LOXL1: variants seen among roughly 807,000 people sequenced by gnomAD.
The protein encoded by LOXL1 is lysyl oxidase homolog 1.
In LOXL1, 31 loss-of-function variants were observed where a neutral mutation model predicts 62.2. That is an observed-to-expected ratio of 0.50 (90% confidence interval 0.37 to 0.67). The LOEUF (loss-of-function observed/expected upper bound fraction) is 0.67. Among genes scored for constraint, LOXL1 ranks in the 30% least tolerant of loss-of-function variants. The probability of loss-of-function intolerance (pLI) is 0.00; values close to 1 mark genes in which losing one functional copy is unlikely to be tolerated. For missense variants in LOXL1, 775 were observed against 843.4 expected (o/e 0.92, Z 1.00); for synonymous variants, 403 against 384.4 (o/e 1.05, Z -0.56).
chr15:73,943,069 C>T (rs756858633), intron 2 of LOXL1, 107 bp downstream of exon 2: 9 of 853,372 alleles, frequency 1.1e-5, no homozygotes, highest in Non-Finnish European at 1.8e-5. Flanking sequence ...GCTGATGACC[C>T]TGGCCAAGTG....
chr15:73,949,638 C>T (rs2141638890), intron 6 of LOXL1, 64 bp downstream of exon 6: 2 of 1,076,400 alleles, frequency 1.9e-6, no homozygotes, highest in East Asian at 2.4e-5. Flanking sequence ...CAGGCAAGGC[C>T]ACCTGAGATA....
At chr15:73,940,958 C>T (rs961327419) in intron 1 of LOXL1, among the ~76,000 whole-genome samples, 9 of 152,180 alleles carry the variant, frequency 5.9e-5, no homozygotes, top group Non-Finnish European at 1.3e-4. Flanking sequence ...TGAAACTGGG[C>T]CTGGGGTGGG....
At chr15:73,937,406 G>C (rs1328973313) in intron 1 of LOXL1, among the ~76,000 whole-genome samples, 2 of 152,232 alleles carry the variant, frequency 1.3e-5, no homozygotes, top group Non-Finnish European at 2.9e-5. Context: ...TCAGTGGCTG[G>C]CTGTCTCCCT....
At chr15:73,936,382 C>G (rs1186101991) in intron 1 of LOXL1, among the ~76,000 whole-genome samples, 1 of 152,186 alleles carries the variant, frequency 6.6e-6, no homozygotes, top group Non-Finnish European at 1.5e-5. Flanking sequence ...GCAGCCAGCT[C>G]CCGCCGTGGA....
chr15:73,929,702 A>G (rs8034017), intron 1 of LOXL1, among the ~76,000 whole-genome samples: 28,785 of 152,266 alleles, frequency 0.19, 2,954 homozygotes, highest in African/African-American at 0.27. Flanking sequence ...ATAGCCATGC[A>G]TCAGCTGCTC....
chr15:73,943,184 G>A (rs1234786269), intron 2 of LOXL1, among the ~76,000 whole-genome samples: 1 of 152,188 alleles, frequency 6.6e-6, no homozygotes, highest in Non-Finnish European at 1.5e-5. Flanking sequence ...TCTGTATACT[G>A]TACCTCACTA....
intron 1 of LOXL1, chr15:73,928,239 C>G (rs2068606758): frequency 8.1e-6 from 2 of 248,212 alleles, no homozygotes; most frequent in Non-Finnish European, 1.5e-5. Context: ...TCCACCTTCT[C>G]CCTCATTTCA....
rs141057976 is a variant in LOXL1 at position 73,947,137 on chromosome 15, G to A, written c.1420G>A (p.Glu474Lys). 86 of 1,613,770 alleles carry A rather than the reference G, an allele frequency of 5.3e-5. No homozygotes were observed. Among genetic ancestry groups the A allele is most frequent in the Non-Finnish European group, 6.7e-5 (79 of 1,179,684 alleles). ...TGCAGCCACAGGCAAGAAGGTGGCC[G>A]AGGGCCACAAGGCCAGTTTCTGCCT... ...LDAATGKKVAEGHKASFCLED... is the reference protein window; with the variant it reads ...LDAATGKKVAKGHKASFCLED... Residue 474 changes from glutamate to lysine, a missense_variant, in exon 4 of 7, where the codon GAG becomes AAG. Physicochemically the swap from Glu to Lys is moderately conservative, Grantham distance 56. Coordinates refer to ENST00000261921, the MANE Select transcript of LOXL1 (RefSeq NM_005576.4).
intron 5 of LOXL1, 48 bp downstream of exon 5, chr15:73,947,950 C>A: frequency 7.2e-7 from 1 of 1,386,372 alleles, no homozygotes; most frequent in Non-Finnish European, 1.0e-6. Flanking sequence ...TGTTCATGTC[C>A]AATGTCCCCC....
rs772198919 is a variant in LOXL1 at position 73,927,120 on chromosome 15, G to A, written c.337G>A (p.Gly113Ser). ...GCGCGTGGGCTCGGACACCGTGCGCGGCCAGGCGCGGCACCCATTCGGCTT... is the reference window on the plus strand; with the variant it reads ...GCGCGTGGGCTCGGACACCGTGCGCAGCCAGGCGCGGCACCCATTCGGCTT... ...PGRVGSDTVR[G>S]QARHPFGFGQ... Residue 113 changes from glycine to serine, a missense_variant, in exon 1 of 7, where the codon GGC (glycine) becomes AGC (serine). Physicochemically the swap from Gly to Ser is moderately conservative, Grantham distance 56. Coordinates refer to ENST00000261921, the MANE Select transcript of LOXL1 (RefSeq NM_005576.4). 1 of 1,364,908 alleles carries A rather than the reference G, an allele frequency of 7.3e-7. No homozygotes were observed. Among genetic ancestry groups the A allele is most frequent in the Non-Finnish European group, 9.5e-7 (1 of 1,053,180 alleles). The allele number at this position is 1,364,908 out of a possible 1,614,324, so 84.5% of individuals were successfully genotyped here.
rs758139196 is a variant in LOXL1, at chr15:73,947,197, C to T, written c.1480C>T (p.Arg494Cys). The T allele has an allele frequency of 9.3e-6, 15 of 1,611,560 alleles. 1 individual carries two copies. The highest frequency in any genetic ancestry group is 5.5e-5 in the South Asian group (5 of 90,906). ...CACCTGTGACTTCGGCAACCTCAAG[C>T]GCTATGCATGCACCTCTCATACCCA... is the stretch of plus-strand genomic sequence containing the variant. ...DSTCDFGNLKRYACTSHTQGL... is the reference protein window; with the variant it reads ...DSTCDFGNLKCYACTSHTQGL... The change falls in exon 4 of 7, where the codon CGC becomes TGC. Residue 494 changes from arginine to cysteine, a missense_variant. Coordinates refer to ENST00000261921, the MANE Select transcript of LOXL1 (RefSeq NM_005576.4).
chr15:73,927,858 G>T lies in LOXL1; in HGVS notation c.1075G>T (p.Val359Leu). Residue 359 changes from valine to leucine, a missense_variant, in exon 1 of 7, where the codon GTG becomes TTG. Coordinates refer to ENST00000261921, the MANE Select transcript of LOXL1 (RefSeq NM_005576.4). ...GCAGGGCCGCCTCAGCGTGGGCAGCGTGTACCGGCCCAACCAGAACGGCCG... is the reference window on the plus strand; with the variant it reads ...GCAGGGCCGCCTCAGCGTGGGCAGCTTGTACCGGCCCAACCAGAACGGCCG... ...AQQGRLSVGS[V>L]YRPNQNGRGL... 1 of 1,334,908 alleles carries T rather than the reference G, an allele frequency of 7.5e-7. No individual in the cohort carries two copies. Among genetic ancestry groups the T allele is most frequent in the Non-Finnish European group, 9.5e-7 (1 of 1,051,014 alleles). 82.7% of individuals were successfully genotyped at this position (1,334,908 alleles called of 1,614,324 possible). A position where few individuals can be genotyped will look rare whatever the true frequency, so the allele number is the denominator to read the frequency against.
rs1386065711 is a variant in LOXL1 at position 73,946,399 on chromosome 15, C to A, written c.1212-18C>A. 7 of 1,540,790 alleles carry A rather than the reference C, an allele frequency of 4.5e-6. No homozygotes were observed. The highest frequency in any genetic ancestry group is 6.2e-6 in the Non-Finnish European group (7 of 1,121,268). Reference sequence around the variant, plus strand: ...ACTGTGCCCCAACCCCCCCTCATCTCCCCCGCCGTCCCTGCAGCACAGCCT... The same window carrying A: ...ACTGTGCCCCAACCCCCCCTCATCTACCCCGCCGTCCCTGCAGCACAGCCT... On this transcript the variant is annotated intron_variant, in intron 2 of 6. Coordinates refer to ENST00000261921, the MANE Select transcript of LOXL1 (RefSeq NM_005576.4).
intron 1 of LOXL1, among the ~76,000 whole-genome samples, chr15:73,934,279 G>T (rs190203208): frequency 6.6e-6 from 1 of 152,236 alleles, no homozygotes; most frequent in Admixed American, 6.5e-5. Flanking sequence ...GTTTTATGGA[G>T]TATGGGCATT....
intron 5 of LOXL1, among the ~76,000 whole-genome samples, chr15:73,949,195 G>A (rs2068767536): frequency 6.6e-6 from 1 of 152,140 alleles, no homozygotes; most frequent in African/African-American, 2.4e-5. Context: ...GACCCCAAAT[G>A]CCCCATGCGG....
chr15:73,926,636 C>A lies in LOXL1; in HGVS notation c.-148C>A. ...GAAATGCTGTCATCGGAGGAGCCGTCCCGCTCGGGACAAGGCCAGCATGGA... is the reference window on the plus strand; with the variant it reads ...GAAATGCTGTCATCGGAGGAGCCGTACCGCTCGGGACAAGGCCAGCATGGA... On this transcript the variant is annotated 5_prime_UTR_variant, in exon 1 of 7. Transcript: ENST00000261921. 2 of 947,376 alleles carry A rather than the reference C, an allele frequency of 2.1e-6. No individual in the cohort carries two copies. Among genetic ancestry groups the A allele is most frequent in the Non-Finnish European group, 2.9e-6 (2 of 700,178 alleles). 58.7% of individuals were successfully genotyped at this position (947,376 alleles called of 1,614,324 possible).
chr15:73,946,247 G>T lies in LOXL1; in HGVS notation c.1212-170G>T, dbSNP rs1057142741. 6.7e-6 allele frequency: 4 copies of T among 599,066 alleles called. No individual in the cohort carries two copies. The East Asian group carries it at 1.1e-4, about 17-fold the overall frequency. The allele number at this position is 599,066 out of a possible 1,614,324, so 37.1% of individuals were successfully genotyped here. On this transcript the variant is annotated intron_variant, in intron 2 of 6. Transcript: ENST00000261921. ...ACGGGGTCAGAAGACAGAGGAAGAGGCCTGAGCCTCCGCCACAGTTCGAGG... is the reference window on the plus strand; with the variant it reads ...ACGGGGTCAGAAGACAGAGGAAGAGTCCTGAGCCTCCGCCACAGTTCGAGG...
At position 73,927,543 on chromosome 15, in the gene LOXL1, GC is replaced by G; in HGVS notation, c.765del (p.Glu256ArgfsTer171). ...PEYPPQGFYP[A>X]PERPYVPPPP... ...GTACCCGCCTCAGGGCTTCTACCCGGCCCCCGAGAGGCCCTACGTGCCGCCG... is the reference window on the plus strand; with the variant it reads ...GTACCCGCCTCAGGGCTTCTACCCGGCCCCGAGAGGCCCTACGTGCCGCCG... On this transcript the variant is annotated frameshift_variant, in exon 1 of 7. Coordinates refer to ENST00000261921, the MANE Select transcript of LOXL1 (RefSeq NM_005576.4). LOFTEE classifies it high-confidence loss of function. 1.5e-6 allele frequency: 2 copies of G among 1,292,988 alleles called. No individual in the cohort carries two copies. The highest frequency in any genetic ancestry group is 2.0e-6 in the Non-Finnish European group (2 of 998,854). 80.1% of individuals were successfully genotyped at this position (1,292,988 alleles called of 1,614,324 possible). A position where few individuals can be genotyped will look rare whatever the true frequency, so the allele number is the denominator to read the frequency against.
In LOXL1 at chr15:73,938,008, C is replaced by T. The variant is rs117369014; in HGVS notation, c.1103-4846C>T. Reference sequence around the variant, plus strand: ...TGGAGGTCTAAAACAGGAGGCTGGCCGGGTGCGGTCACTCACCCCTGTAAT... The same window carrying T: ...TGGAGGTCTAAAACAGGAGGCTGGCTGGGTGCGGTCACTCACCCCTGTAAT... On this transcript the variant is annotated intron_variant, in intron 1 of 6. Transcript: ENST00000261921. Among the ~76,000 whole-genome samples the T allele has an allele frequency of 1.5e-3, 227 of 152,248 alleles. 1 individual carries two copies. The East Asian group carries it at 0.022, about 15-fold the overall frequency.
Sources: allele counts gnomAD v4.1 joint callset (sites outside exome capture counted in the v4.1 genomes callset), GRCh38; gene constraint gnomAD v4.1.1; transcripts MANE v1.5; gene names NCBI Gene and HGNC (gene_info 2026-07-23, HGNC 2026-07-21).